TFDP2: variants seen among roughly 807,000 people sequenced by gnomAD.
The protein encoded by TFDP2 is transcription factor Dp-2.
TFDP2 carries 17 observed loss-of-function variants against 59.3 expected under a neutral mutation model. The ratio of observed to expected loss-of-function variants is 0.29; its 90% confidence interval spans 0.20 to 0.43. TFDP2 has a LOEUF of 0.43. Ranked by LOEUF, TFDP2 falls within the 20% of genes least tolerant of loss-of-function variation. TFDP2 has a pLI of 1.00. For synonymous variants in TFDP2, 180 were observed against 194.7 expected, an observed-to-expected ratio of 0.92 and a Z score of 0.63; for missense variants, 391 against 528.8, an observed-to-expected ratio of 0.74 and a Z score of 2.56.
chr3:142,045,644 G>A (rs903023926), intron 3 of TFDP2, among the ~76,000 whole-genome samples: 8 of 132,498 alleles, frequency 6.0e-5, no homozygotes, highest in Admixed American at 3.3e-4. Flanking sequence ...ACCAAGTCTC[G>A]CTTTGTCACC....
chr3:141,961,808 T>A (rs1937394715), intron 10 of TFDP2, among the ~76,000 whole-genome samples: 3 of 152,124 alleles, frequency 2.0e-5, no homozygotes, highest in Admixed American at 1.3e-4. Context: ...CAAGGAAGTG[T>A]GCACCTGCAG....
chr3:142,122,696 G>C (rs965039258), intron 1 of TFDP2, among the ~76,000 whole-genome samples: 3 of 152,208 alleles, frequency 2.0e-5, no homozygotes, highest in African/African-American at 7.2e-5. Flanking sequence ...CTGGCCACAG[G>C]GACACCTCTG....
chr3:142,043,754 G>A (rs966840544), intron 3 of TFDP2: 9 of 1,560,564 alleles, frequency 5.8e-6, no homozygotes, highest in Non-Finnish European at 7.9e-6. Context: ...TCAGCCAGGA[G>A]CTTCTTGCGG....
At chr3:142,023,442 C>T (rs991393909) in intron 3 of TFDP2, among the ~76,000 whole-genome samples, 5 of 151,898 alleles carry the variant, frequency 3.3e-5, no homozygotes, top group Admixed American at 6.6e-5. Flanking sequence ...CCACCTGCCC[C>T]GGCCTCCCAA....
At position 142,043,852 on chromosome 3, in the gene TFDP2, T is replaced by G. The variant is rs1022757434; in HGVS notation, c.83-38308A>C. 2.6e-5 allele frequency: 35 copies of G among 1,356,902 alleles called. No homozygotes were observed. The East Asian group carries it at 7.8e-4, about 30-fold the overall frequency. 84.1% of individuals were successfully genotyped at this position (1,356,902 alleles called of 1,614,324 possible). A position where few individuals can be genotyped will look rare whatever the true frequency, so the allele number is the denominator to read the frequency against. On this transcript the variant is annotated intron_variant, in intron 3 of 12. Transcript: ENST00000489671. The stretch of plus-strand genomic sequence containing the variant: ...TCCCTTCACCTTCAGGTACAGGCTG[T>G]GATACATATGGCGATCAATCTTCTT...
At chr3:142,057,769 T>C (rs1345384688) in intron 3 of TFDP2, among the ~76,000 whole-genome samples, 2 of 152,214 alleles carry the variant, frequency 1.3e-5, no homozygotes, top group Admixed American at 6.5e-5. Flanking sequence ...GTAATACCTA[T>C]AGAATTATGT....
chr3:142,123,727 A>T (rs1439256829), intron 1 of TFDP2, among the ~76,000 whole-genome samples: 1 of 152,248 alleles, frequency 6.6e-6, no homozygotes, highest in African/African-American at 2.4e-5. Context: ...CTAAAGAAAC[A>T]ATCCCATTAA....
intron 7 of TFDP2, 77 bp from the exon 8 acceptor site, chr3:141,974,268 A>C: frequency 8.0e-7 from 1 of 1,255,166 alleles, no homozygotes; most frequent in East Asian, 2.8e-5. Context: ...ATATCAAATT[A>C]ATATTACAAC....
In TFDP2 at chr3:142,092,970, T is replaced by C. The variant is rs1262329554; in HGVS notation, c.82+91A>G. 5 of 847,472 alleles carry C rather than the reference T, an allele frequency of 5.9e-6. No homozygotes were observed. The African/African-American group carries it at 8.6e-5, about 15-fold the overall frequency. The allele number at this position is 847,472 out of a possible 1,614,324, so 52.5% of individuals were successfully genotyped here. ...ACGTGCTAATATCATAAAATTATTA[T>C]ACATAAAGTAATTCATGTAGCTGCA... is the stretch of plus-strand genomic sequence containing the variant. On this transcript the variant is annotated intron_variant, in intron 3 of 12. Transcript: ENST00000489671.
chr3:142,035,048 C>A (rs1457037610), intron 3 of TFDP2, among the ~76,000 whole-genome samples: 2 of 152,132 alleles, frequency 1.3e-5, no homozygotes, highest in East Asian at 3.9e-4. Context: ...CTGTTTCCAC[C>A]CCAAAACTTG....
At position 141,972,807 on chromosome 3, in the gene TFDP2, G is replaced by A. The variant is rs577091013; in HGVS notation, c.663+1241C>T. On this transcript the variant is annotated intron_variant, in intron 8 of 12. Transcript: ENST00000489671. ...TTTGCCTTGTATAACCTGTGATTAA[G>A]CACAAGGTAGATGTGAATAGGGTTT... is the stretch of plus-strand genomic sequence containing the variant. Among the ~76,000 whole-genome samples, 33 of 152,192 alleles carry A rather than the reference G, an allele frequency of 2.2e-4. No individual in the cohort carries two copies. In the South Asian group the frequency reaches 6.6e-3, roughly 31 times the overall value.
intron 3 of TFDP2, among the ~76,000 whole-genome samples, chr3:142,041,828 T>C (rs1946986034): frequency 1.3e-5 from 2 of 152,230 alleles, no homozygotes; most frequent in African/African-American, 2.4e-5. Context: ...TTTGAGTTAA[T>C]TTTTTGTGAA....
chr3:142,139,151 G>T (rs546426548), intron 1 of TFDP2, among the ~76,000 whole-genome samples: 1 of 152,046 alleles, frequency 6.6e-6, no homozygotes, highest in Non-Finnish European at 1.5e-5. Context: ...ATCTTTGTTG[G>T]TTTAAAGTCT....
chr3:142,107,317 T>C (rs1048177625), intron 1 of TFDP2, among the ~76,000 whole-genome samples: 3 of 151,614 alleles, frequency 2.0e-5, no homozygotes, highest in African/African-American at 4.8e-5. Flanking sequence ...CTGCAACCTC[T>C]ACCTCCTGGA....
chr3:142,110,133 C>T (rs1251331724), intron 1 of TFDP2, among the ~76,000 whole-genome samples: 2 of 152,138 alleles, frequency 1.3e-5, no homozygotes, highest in African/African-American at 4.8e-5. Context: ...ATCCACCCAT[C>T]TAAGTCTCCC....
At chr3:142,107,635 G>A (rs1478897129) in intron 1 of TFDP2, among the ~76,000 whole-genome samples, 7 of 151,950 alleles carry the variant, frequency 4.6e-5, no homozygotes, top group Non-Finnish European at 7.4e-5. Context: ...CATATCATTC[G>A]CACCTCAACT....
chr3:141,966,298 G>T (rs1457399507), intron 9 of TFDP2, among the ~76,000 whole-genome samples: 1 of 151,614 alleles, frequency 6.6e-6, no homozygotes, highest in Non-Finnish European at 1.5e-5. Flanking sequence ...TCAGCCTCCC[G>T]AGTAGCCGGG....
At chr3:142,028,403 C>G (rs1357847218) in intron 3 of TFDP2, among the ~76,000 whole-genome samples, 4 of 150,520 alleles carry the variant, frequency 2.7e-5, no homozygotes, top group Admixed American at 6.7e-5. Context: ...CCCCTCCCCC[C>G]CCACCCCAAC....
At chr3:142,081,428 T>G (rs1253260231) in intron 3 of TFDP2, among the ~76,000 whole-genome samples, 1 of 151,926 alleles carries the variant, frequency 6.6e-6, no homozygotes, top group African/African-American at 2.4e-5. Flanking sequence ...CTTAAAGAGC[T>G]AGAAAAGCAA....
Sources: gnomAD v4.1 joint callset for allele counts (sites outside exome capture counted in the v4.1 genomes callset) on GRCh38, gnomAD v4.1.1 for gene constraint, MANE v1.5 for transcripts, NCBI Gene and HGNC (gene_info 2026-07-23, HGNC 2026-07-21) for gene names.